SDHC: variants seen among roughly 807,000 people sequenced by gnomAD.
SDHC encodes the protein succinate dehydrogenase cytochrome b560 subunit, mitochondrial.
SDHC carries 11 observed loss-of-function variants against 22.6 expected under a neutral mutation model. The observed-to-expected ratio is 0.49, with a 90% CI of 0.31 to 0.81. The LOEUF is 0.81. Among genes scored for constraint, SDHC ranks in the 30% least tolerant of loss-of-function variants. The probability of loss-of-function intolerance (pLI) is 0.05; values close to 1 mark genes in which losing one functional copy is unlikely to be tolerated. For missense variants in SDHC, 160 were observed against 212.0 expected, an observed-to-expected ratio of 0.75 and a Z score of 1.52; for synonymous variants, 80 against 77.8, an observed-to-expected ratio of 1.03 and a Z score of -0.15.
chr1:161,353,428 C>G (rs1288930874), intron 4 of SDHC, among the ~76,000 whole-genome samples: 1 of 152,086 alleles, frequency 6.6e-6, no homozygotes, highest in Non-Finnish European at 1.5e-5. Context: ...ATCAAAACTA[C>G]CAAAAGAGGG....
intron 4 of SDHC, among the ~76,000 whole-genome samples, chr1:161,343,531 T>C (rs1360174366): frequency 6.6e-6 from 1 of 152,214 alleles, no homozygotes; most frequent in African/African-American, 2.4e-5. Context: ...TTTGTGTTGT[T>C]AGGAATCCAT....
chr1:161,337,538 A>G (rs909564942), intron 3 of SDHC, among the ~76,000 whole-genome samples: 1 of 152,216 alleles, frequency 6.6e-6, no homozygotes, highest in African/African-American at 2.4e-5. Flanking sequence ...TAGAGGCTAA[A>G]TACTTGCTTG....
At chr1:161,345,866 C>T (rs543375640) in intron 4 of SDHC, among the ~76,000 whole-genome samples, 3 of 152,002 alleles carry the variant, frequency 2.0e-5, no homozygotes, top group Non-Finnish European at 2.9e-5. Context: ...AGTGCAGTGG[C>T]GCGATCTCAG....
intron 1 of SDHC, among the ~76,000 whole-genome samples, chr1:161,318,638 G>T (rs1450842000): frequency 6.6e-6 from 1 of 152,172 alleles, no homozygotes; most frequent in Non-Finnish European, 1.5e-5. Flanking sequence ...CTCAATTTAT[G>T]AAACTGCTTT....
At chr1:161,339,528 A>G in intron 3 of SDHC, 2 of 1,206,222 alleles carry the variant, frequency 1.7e-6, no homozygotes, top group South Asian at 2.6e-5. Context: ...TTGCGAAAGG[A>G]GTTTTGAGTT....
At chr1:161,316,926 G>A (rs1437757848) in intron 1 of SDHC, among the ~76,000 whole-genome samples, 10 of 151,808 alleles carry the variant, frequency 6.6e-5, no homozygotes, top group African/African-American at 2.4e-4. Flanking sequence ...CATTTGTGTT[G>A]CAAACGGCAA....
At chr1:161,351,965 G>A (rs140057205) in intron 4 of SDHC, among the ~76,000 whole-genome samples, 11 of 152,302 alleles carry the variant, frequency 7.2e-5, no homozygotes, top group South Asian at 6.2e-4. Flanking sequence ...CTGACAGTCC[G>A]CACAGTTACA....
chr1:161,348,231 A>G (rs970035843), intron 4 of SDHC, among the ~76,000 whole-genome samples: 1 of 151,570 alleles, frequency 6.6e-6, no homozygotes, highest in African/African-American at 2.4e-5. Context: ...ATCGTGGCCC[A>G]CTGCACTTCT....
At chr1:161,347,625 TG>T (rs1167201665) in intron 4 of SDHC, among the ~76,000 whole-genome samples, 2 of 148,144 alleles carry the variant, frequency 1.4e-5, no homozygotes, top group Non-Finnish European at 3.0e-5. Context: ...CCCAGCACTT[TG>T]GGAGGCCGAG....
intron 4 of SDHC, among the ~76,000 whole-genome samples, chr1:161,342,689 G>C (rs1314514888): frequency 1.3e-5 from 2 of 151,910 alleles, no homozygotes; most frequent in East Asian, 3.9e-4. Context: ...GCTAATTTTT[G>C]TATTTTTGGT....
chr1:161,353,669 G>A (rs1339462277), intron 4 of SDHC, among the ~76,000 whole-genome samples: 7 of 152,034 alleles, frequency 4.6e-5, no homozygotes, highest in Admixed American at 1.3e-4. Flanking sequence ...TAGCCATTGA[G>A]TAGACATTTT....
intron 3 of SDHC, among the ~76,000 whole-genome samples, chr1:161,329,607 T>C (rs1202927599): frequency 1.3e-5 from 2 of 152,188 alleles, no homozygotes; most frequent in Non-Finnish European, 2.9e-5. Context: ...GCTGGGATTA[T>C]AGGCATGAGC....
At chr1:161,323,044 G>C (rs576583037) in intron 1 of SDHC, among the ~76,000 whole-genome samples, 5 of 151,336 alleles carry the variant, frequency 3.3e-5, no homozygotes, top group Non-Finnish European at 7.4e-5. Context: ...TGTCACCCGG[G>C]CTGGAGTGCA....
intron 2 of SDHC, among the ~76,000 whole-genome samples, 191 bp downstream of exon 2, chr1:161,323,861 A>G (rs1460588630): frequency 1.3e-5 from 2 of 151,810 alleles, no homozygotes; most frequent in African/African-American, 4.8e-5. Flanking sequence ...ACGCCTGGCT[A>G]ATTTTTTTGT....
chr1:161,315,436 T>G (rs1670570922), intron 1 of SDHC, among the ~76,000 whole-genome samples: 1 of 152,246 alleles, frequency 6.6e-6, no homozygotes, highest in African/African-American at 2.4e-5. Context: ...CATATGTATC[T>G]TCTGTCTAAG....
At chr1:161,339,488 T>G in intron 3 of SDHC, 1 of 818,286 alleles carries the variant, frequency 1.2e-6, no homozygotes, top group Non-Finnish European at 1.7e-6. Context: ...AGCTCCAACT[T>G]TAATGAGTGT....
chr1:161,327,887 T>C (rs1367824736), intron 2 of SDHC, among the ~76,000 whole-genome samples: 2 of 151,932 alleles, frequency 1.3e-5, no homozygotes, highest in African/African-American at 4.8e-5. Context: ...TTTTTATTTT[T>C]ATTTTTATTT....
At chr1:161,344,218 A>G (rs1226904073) in intron 4 of SDHC, among the ~76,000 whole-genome samples, 1 of 152,196 alleles carries the variant, frequency 6.6e-6, no homozygotes, top group Non-Finnish European at 1.5e-5. Context: ...TGAACCTGGG[A>G]GGCGGAGCTT....
intron 2 of SDHC, among the ~76,000 whole-genome samples, chr1:161,328,189 A>G (rs539141206): frequency 6.6e-6 from 1 of 152,122 alleles, no homozygotes; most frequent in Admixed American, 6.6e-5. Context: ...TTTAGTAGAG[A>G]CGAGGTTTCT....
Sources: allele counts gnomAD v4.1 joint callset (sites outside exome capture counted in the v4.1 genomes callset), GRCh38; gene constraint gnomAD v4.1.1; transcripts MANE v1.5; gene names NCBI Gene and HGNC (gene_info 2026-07-23, HGNC 2026-07-21).